The following ORMDL1 variants were observed in gnomAD, a reference collection of about 807,000 sequenced individuals.
The protein encoded by ORMDL1 is ORMDL sphingolipid biosynthesis regulator 1.
Under a neutral mutation model 13.0 loss-of-function variants are expected in ORMDL1, and 10 were observed. The ratio of observed to expected loss-of-function variants is 0.77; its 90% CI spans 0.47 to 1.30. ORMDL1 has a LOEUF of 1.30. ORMDL1 is among the 50% of genes most tolerant of loss of function. ORMDL1 has a pLI of 0.00. For synonymous variants in ORMDL1, 61 were observed against 63.9 expected (o/e 0.95, Z 0.22); for missense variants, 171 against 186.7 (o/e 0.92, Z 0.49).
At position 189,775,683 on chromosome 2, in the gene ORMDL1, T is replaced by C. The variant is rs1260929619; in HGVS notation, c.208A>G (p.Thr70Ala). The C allele has an allele frequency of 1.9e-6, 3 of 1,613,644 alleles. No homozygotes were observed. The East Asian group carries it at 6.7e-5, about 36-fold the overall frequency. ...CCCTGGTCAGGAGTTTCGAAAGGTGTTCCTTTCACTGCATGCAAAAATACG... is the reference window on the plus strand; with the variant it reads ...CCCTGGTCAGGAGTTTCGAAAGGTGCTCCTTTCACTGCATGCAAAAATACG... ...MYVFLHAVKG[T>A]PFETPDQGKA... Residue 70 changes from threonine (T) to alanine (A), a missense_variant, in exon 4 of 5, where the codon ACA becomes GCA. By Grantham distance (58) the Thr-to-Ala change is moderately conservative. Coordinates refer to ENST00000392349, the MANE Select transcript of ORMDL1 (RefSeq NM_016467.5).
intron 3 of ORMDL1, among the ~76,000 whole-genome samples, chr2:189,781,955 T>C (rs1294199200): frequency 6.6e-6 from 1 of 152,102 alleles, no homozygotes; most frequent in Non-Finnish European, 1.5e-5. Context: ...CTTTTTTTTT[T>C]TTTTTGAGAC....
chr2:189,779,052 C>A (rs909193324), intron 3 of ORMDL1, among the ~76,000 whole-genome samples: 2 of 152,074 alleles, frequency 1.3e-5, no homozygotes, highest in African/African-American at 4.8e-5. Context: ...GTGGCACACA[C>A]CTATAGTCCT....
rs921765309 is a variant in ORMDL1 at position 189,771,256 on chromosome 2, C to G, written c.*511G>C. ...AAAAAAGTACCCTCATAAGTGGGAACTGGCTTGTATAAAACAAGAGGATAT... is the reference window on the plus strand; with the variant it reads ...AAAAAAGTACCCTCATAAGTGGGAAGTGGCTTGTATAAAACAAGAGGATAT... On this transcript the variant is annotated 3_prime_UTR_variant, in exon 5 of 5. Coordinates refer to ENST00000392349, the MANE Select transcript of ORMDL1 (RefSeq NM_016467.5). 4 of 151,612 alleles carry G rather than the reference C, an allele frequency of 2.6e-5. No individual in the cohort carries two copies. The highest frequency in any genetic ancestry group is 5.9e-5 in the Non-Finnish European group (4 of 67,974). The allele number at this position is 151,612 out of a possible 1,614,324, so 9.4% of individuals were successfully genotyped here.
chr2:189,784,313 G>C lies in ORMDL1; in HGVS notation c.-162C>G, dbSNP rs1417897338. On this transcript the variant is annotated 5_prime_UTR_variant, in exon 1 of 5. Transcript: ENST00000392349. ...CGCCGGCTCGCAGCAGGACCAGCCC[G>C]GCTGCTACGGCCGCGGATACACGCC... The C allele has an allele frequency of 6.6e-6, 1 of 152,364 alleles. No individual in the cohort carries two copies. The highest frequency in any genetic ancestry group is 2.4e-5 in the African/African-American group (1 of 41,448). The allele number at this position is 152,364 out of a possible 1,614,324, so 9.4% of individuals were successfully genotyped here.
chr2:189,777,623 G>C (rs1441944737), intron 3 of ORMDL1, among the ~76,000 whole-genome samples: 2 of 152,128 alleles, frequency 1.3e-5, no homozygotes, highest in African/African-American at 2.4e-5. Context: ...AAATGTTTGT[G>C]ATTATTATTC....
At chr2:189,765,038 G>A in the ORMDL1 span, 1 of 151,940 alleles carries the variant, frequency 6.6e-6, no homozygotes, top group Non-Finnish European at 1.5e-5. Context: ...TCACTATGTT[G>A]GCCAGGCTGG....
chr2:189,767,097 T>C (rs1470902743), downstream of ORMDL1, among the ~76,000 whole-genome samples: 1 of 152,248 alleles, frequency 6.6e-6, no homozygotes, highest in African/African-American at 2.4e-5. Flanking sequence ...AAGTTCCTGC[T>C]TTTACTTCTT....
At chr2:189,764,443 A>G in the ORMDL1 span, 1 of 152,168 alleles carries the variant, frequency 6.6e-6, no homozygotes, top group Non-Finnish European at 1.5e-5. Context: ...GAATGCTGTT[A>G]TTATGTGAAA....
chr2:189,766,474 T>C (rs2047484797), downstream of ORMDL1, among the ~76,000 whole-genome samples: 2 of 152,018 alleles, frequency 1.3e-5, no homozygotes, highest in Admixed American at 1.3e-4. Flanking sequence ...GCGCCTGTAA[T>C]CCCAGCACTT....
chr2:189,776,916 A>G (rs2047710389), intron 3 of ORMDL1, among the ~76,000 whole-genome samples: 1 of 152,140 alleles, frequency 6.6e-6, no homozygotes, highest in African/African-American at 2.4e-5. Flanking sequence ...AAATGCATAA[A>G]CAGCTAGAAA....
rs546877347 is a variant in ORMDL1 at position 189,771,531 on chromosome 2, G to A, written c.*236C>T. The stretch of plus-strand genomic sequence containing the variant: ...TGTGATGCCCTTTAACTTATAAGCT[G>A]GGCCTGCCCAGCCTGCTTATAAAGC... On this transcript the variant is annotated 3_prime_UTR_variant, in exon 5 of 5. Transcript: ENST00000392349. The A allele has an allele frequency of 3.8e-4, 128 of 340,806 alleles. No individual in the cohort carries two copies. Among genetic ancestry groups the A allele is most frequent in the Non-Finnish European group, 5.9e-4 (112 of 190,576 alleles). The allele number at this position is 340,806 out of a possible 1,614,324, so 21.1% of individuals were successfully genotyped here.
rs141609272 is a variant in ORMDL1 at position 189,778,366 on chromosome 2, G to T, written c.175-2650C>A. 3,114 of 453,440 alleles carry T rather than the reference G, an allele frequency of 6.9e-3. 79 individuals are homozygous for T. Among genetic ancestry groups the T allele is most frequent in the African/African-American group, 0.057 (2,835 of 50,070 alleles). 28.1% of individuals were successfully genotyped at this position (453,440 alleles called of 1,614,324 possible). ...GCCAAGATCGTGCCACTGTACTCCA[G>T]CCTGGGTGACAGAGTGAAACTCCGT... On this transcript the variant is annotated intron_variant, in intron 3 of 4. Coordinates refer to ENST00000392349, the MANE Select transcript of ORMDL1 (RefSeq NM_016467.5).
At chr2:189,777,824 G>A (rs576630484) in intron 3 of ORMDL1, among the ~76,000 whole-genome samples, 2 of 152,180 alleles carry the variant, frequency 1.3e-5, no homozygotes, top group African/African-American at 2.4e-5. Flanking sequence ...GTTCAGAAAG[G>A]CAAATATACT....
rs114023343 is a variant in ORMDL1 at position 189,772,736 on chromosome 2, T to C, written c.327-834A>G. ...AAGAAGTTAGTTTCTATTTAGGTCT[T>C]TGCAGTACGCAAGGAAAGTATTCTA... On this transcript the variant is annotated intron_variant, in intron 4 of 4. Transcript: ENST00000392349. Among the ~76,000 whole-genome samples, 554 of 152,366 alleles carry C rather than the reference T, an allele frequency of 3.6e-3. 6 individuals are homozygous for C. The highest frequency in any genetic ancestry group is 6.0e-3 in the Non-Finnish European group (407 of 68,032).
chr2:189,768,240 G>A (rs764760985), downstream of ORMDL1, among the ~76,000 whole-genome samples: 1 of 152,126 alleles, frequency 6.6e-6, no homozygotes, highest in Non-Finnish European at 1.5e-5. Flanking sequence ...TACCTAGATA[G>A]GTCTTTTCAG....
downstream of ORMDL1, among the ~76,000 whole-genome samples, chr2:189,765,839 A>ATTTTTTTTTTTTTTT (rs72132150): frequency 9.4e-6 from 1 of 106,750 alleles, no homozygotes; most frequent in Non-Finnish European, 1.8e-5. Context: ...TACTTTCTCC[A>ATTTTTTTTTTTTTTT]TTTTTTTTTT....
chr2:189,765,858 TTTTG>T, downstream of ORMDL1, among the ~76,000 whole-genome samples: 1 of 43,668 alleles, frequency 2.3e-5, no homozygotes. Flanking sequence ...TTTTTTTTTT[TTTTG>T]AGACGACGTC....
At chr2:189,764,052 C>T in the ORMDL1 span, 1 of 152,172 alleles carries the variant, frequency 6.6e-6, no homozygotes, top group Non-Finnish European at 1.5e-5. Context: ...GGTCACACAA[C>T]TAGGAAAAGC....
At chr2:189,765,839 ATTTTTTT>A (rs72132150), downstream of ORMDL1, among the ~76,000 whole-genome samples, 4 of 106,750 alleles carry the variant, frequency 3.7e-5, no homozygotes, top group Non-Finnish European at 5.4e-5. Flanking sequence ...TACTTTCTCC[ATTTTTTT>A]TTTTTTTTTT....
Sources: gnomAD v4.1 joint callset for allele counts (sites outside exome capture counted in the v4.1 genomes callset) on GRCh38, gnomAD v4.1.1 for gene constraint, MANE v1.5 for transcripts, NCBI Gene and HGNC (gene_info 2026-07-23, HGNC 2026-07-21) for gene names.